Variants in ULK4 observed in about 807,000 individuals in gnomAD.
The protein encoded by ULK4 is inactive serine/threonine-protein kinase ULK4.
A neutral mutation model predicts 160.6 loss-of-function variants in ULK4; 133 were observed. The ratio of observed to expected loss-of-function variants is 0.83; its 90% CI spans 0.72 to 0.96. The LOEUF is 0.96. ULK4 is among the 40% of genes least tolerant of loss of function. ULK4 has a pLI of 0.00. For missense variants in ULK4, 1,580 were observed against 1,499.5 expected, an observed-to-expected ratio of 1.05 and a Z score of -0.89; for synonymous variants, 534 against 539.8, an observed-to-expected ratio of 0.99 and a Z score of 0.15.
intron 22 of ULK4, among the ~76,000 whole-genome samples, chr3:41,723,034 G>A (rs2037528020): frequency 6.6e-6 from 1 of 152,106 alleles, no homozygotes; most frequent in Non-Finnish European, 1.5e-5. Flanking sequence ...TAGTGTATGC[G>A]TTCCCTCTGA....
intron 5 of ULK4, among the ~76,000 whole-genome samples, chr3:41,926,876 T>G (rs1479490864): frequency 1.3e-5 from 2 of 152,204 alleles, no homozygotes; most frequent in Admixed American, 6.5e-5. Flanking sequence ...GTTTGATTGA[T>G]GTACCTGAAA....
At chr3:41,254,957 C>G (rs998855098) in intron 35 of ULK4, among the ~76,000 whole-genome samples, 1 of 151,090 alleles carries the variant, frequency 6.6e-6, no homozygotes, top group Non-Finnish European at 1.5e-5. Flanking sequence ...GGGAAGAAAA[C>G]AAGAGCAAAC....
chr3:41,369,520 C>T (rs771321877), intron 35 of ULK4, among the ~76,000 whole-genome samples: 1 of 150,014 alleles, frequency 6.7e-6, no homozygotes. Context: ...TGGCAGAGCA[C>T]GGTGGCTCAC....
chr3:41,955,019 A>G (rs7651830), intron 1 of ULK4, among the ~76,000 whole-genome samples: 141,030 of 152,256 alleles, frequency 0.93, 66,195 homozygotes, highest in East Asian at 1. Context: ...CAGCCGGCGC[A>G]GTGGCTCACG....
rs148658942 is a variant in ULK4 at position 41,798,045 on chromosome 3, A to G, written c.2010+2087T>C. Among the ~76,000 whole-genome samples the G allele has an allele frequency of 5.8e-3, 881 of 152,292 alleles. 9 individuals are homozygous for G. The highest frequency in any genetic ancestry group is 0.021 in the African/African-American group (853 of 41,588). On this transcript the variant is annotated intron_variant, in intron 20 of 36. Transcript: ENST00000301831. The stretch of plus-strand genomic sequence containing the variant: ...TGTTGGGACAACTGGCAAAATTTCA[A>G]TGTAAAATTAATGATTCAGATAAAT...
At chr3:41,693,632 T>C (rs2036385999) in intron 27 of ULK4, among the ~76,000 whole-genome samples, 1 of 152,042 alleles carries the variant, frequency 6.6e-6, no homozygotes, top group South Asian at 2.1e-4. Flanking sequence ...AAAGAAATAT[T>C]AAAAGGACAA....
chr3:41,362,276 A>G (rs964136873), intron 35 of ULK4, among the ~76,000 whole-genome samples: 2 of 152,196 alleles, frequency 1.3e-5, no homozygotes, highest in African/African-American at 4.8e-5. Context: ...TGATGATGCT[A>G]TATTATTCTG....
intron 18 of ULK4, among the ~76,000 whole-genome samples, chr3:41,831,368 T>C (rs1011898125): frequency 6.7e-5 from 10 of 150,172 alleles, no homozygotes; most frequent in Non-Finnish European, 5.9e-5. Context: ...AATATATCTA[T>C]GTTAATTATT....
chr3:41,575,320 G>A (rs2088150928), intron 31 of ULK4, among the ~76,000 whole-genome samples: 1 of 152,166 alleles, frequency 6.6e-6, no homozygotes, highest in African/African-American at 2.4e-5. Flanking sequence ...ACTGCCCCTG[G>A]GCATTTGCTC....
chr3:41,669,189 T>C (rs991690669), intron 29 of ULK4, among the ~76,000 whole-genome samples: 2 of 152,212 alleles, frequency 1.3e-5, no homozygotes, highest in Non-Finnish European at 2.9e-5. Flanking sequence ...ATATAAACTG[T>C]TCTTCCTGTG....
At chr3:41,587,969 ATAAT>A (rs1158703767) in intron 31 of ULK4, among the ~76,000 whole-genome samples, 1 of 152,234 alleles carries the variant, frequency 6.6e-6, no homozygotes, top group Non-Finnish European at 1.5e-5. Context: ...GATTAAAATA[ATAAT>A]TAGTTTAAAT....
chr3:41,417,972 A>C (rs151024570), intron 34 of ULK4, among the ~76,000 whole-genome samples: 166 of 152,278 alleles, frequency 1.1e-3, no homozygotes, highest in African/African-American at 3.9e-3. Flanking sequence ...TGCAAAAGAT[A>C]ATACATTTTT....
At position 41,912,792 on chromosome 3, in the gene ULK4, G is replaced by C. The variant is rs770972983; in HGVS notation, c.896+15C>G. ...CAGTAACTATGTCCCATACACAAAG[G>C]TAAGTGTATACTACCTGAGACTGAG... On this transcript the variant is annotated intron_variant, in intron 9 of 36. Transcript: ENST00000301831. The C allele has an allele frequency of 8.1e-6, 13 of 1,604,360 alleles. No homozygotes were observed. The highest frequency in any genetic ancestry group is 1.1e-5 in the Non-Finnish European group (13 of 1,171,156).
intron 22 of ULK4, among the ~76,000 whole-genome samples, chr3:41,735,780 G>C (rs1012319561): frequency 3.3e-5 from 5 of 151,078 alleles, no homozygotes; most frequent in Admixed American, 6.6e-5. Context: ...CATATGTCAT[G>C]TTGGTGTGCT....
rs940297123 is a variant in ULK4, at chr3:41,449,146, G to C, written c.3492+6351C>G. 3.3e-5 allele frequency among the ~76,000 whole-genome samples: 5 copies of C among 152,092 alleles called. 1 individual carries two copies. Among genetic ancestry groups the C allele is most frequent in the Non-Finnish European group, 7.4e-5 (5 of 68,008 alleles). On this transcript the variant is annotated intron_variant, in intron 34 of 36. Transcript: ENST00000301831. ...CTGGCCAGGCTGGTCTCAAACTCCTGACCTCAAGTGATCTGCCCACCTCAG... is the reference window on the plus strand; with the variant it reads ...CTGGCCAGGCTGGTCTCAAACTCCTCACCTCAAGTGATCTGCCCACCTCAG...
At chr3:41,352,331 C>T (rs2080927840) in intron 35 of ULK4, among the ~76,000 whole-genome samples, 1 of 152,218 alleles carries the variant, frequency 6.6e-6, no homozygotes, top group South Asian at 2.1e-4. Flanking sequence ...GACAAGAGTA[C>T]ACACGGCTTC....
intron 30 of ULK4, among the ~76,000 whole-genome samples, chr3:41,617,073 C>CA (rs2033011364): frequency 6.6e-6 from 1 of 152,204 alleles, no homozygotes; most frequent in South Asian, 2.1e-4. Flanking sequence ...CTGGGCAGGG[C>CA]ATCTCTGAGG....
intron 30 of ULK4, among the ~76,000 whole-genome samples, chr3:41,623,055 TA>T (rs2033332500): frequency 6.6e-6 from 1 of 152,098 alleles, no homozygotes; most frequent in African/African-American, 2.4e-5. Flanking sequence ...GTCCAAAAAA[TA>T]AAATAAAATC....
chr3:41,764,531 G>A (rs1438840824), intron 21 of ULK4, among the ~76,000 whole-genome samples: 6 of 152,196 alleles, frequency 3.9e-5, no homozygotes, highest in Admixed American at 2.0e-4. Flanking sequence ...GATTGTTCAA[G>A]ACTATCCTGG....
Sources: allele counts gnomAD v4.1 joint callset (sites outside exome capture counted in the v4.1 genomes callset), GRCh38; gene constraint gnomAD v4.1.1; transcripts MANE v1.5; gene names NCBI Gene and HGNC (gene_info 2026-07-23, HGNC 2026-07-21).